UBE2E2: variants seen among roughly 807,000 people sequenced by gnomAD.
UBE2E2 encodes the protein ubiquitin conjugating enzyme E2 E2, also known as ubiquitin-conjugating enzyme E2 E2.
UBE2E2 carries 6 observed loss-of-function variants against 24.7 expected under a neutral mutation model. That is an observed-to-expected ratio of 0.24 (90% CI 0.13 to 0.48). UBE2E2 has a LOEUF of 0.48. UBE2E2 is among the 20% of genes least tolerant of loss of function. The pLI is 0.99. For missense variants in UBE2E2, 169 were observed against 245.0 expected (o/e 0.69, Z 2.07); for synonymous variants, 104 against 83.6 (o/e 1.24, Z -1.33).
At position 23,553,011 on chromosome 3, in the gene UBE2E2, T is replaced by A. The variant is rs113988849; in HGVS notation, c.508+20310T>A. Among the ~76,000 whole-genome samples, 1,030 of 152,308 alleles carry A rather than the reference T, an allele frequency of 6.8e-3. 11 individuals carry two copies. The highest frequency in any genetic ancestry group is 0.023 in the African/African-American group (971 of 41,572). ...TTTCTAAGTTTTGATAAACCCTTTC[T>A]TATTGATTTTTAATCTCCTTGATTA... On this transcript the variant is annotated intron_variant, in intron 5 of 5. Coordinates refer to ENST00000396703, the MANE Select transcript of UBE2E2 (RefSeq NM_152653.4).
At chr3:23,464,227 TA>T (rs1380386773) in intron 3 of UBE2E2, among the ~76,000 whole-genome samples, 5 of 152,168 alleles carry the variant, frequency 3.3e-5, no homozygotes, top group Admixed American at 6.5e-5. Context: ...ATTGGCTGTT[TA>T]ATCTACTATT....
intron 3 of UBE2E2, among the ~76,000 whole-genome samples, chr3:23,233,383 C>G (rs866846803): frequency 1.3e-5 from 2 of 151,982 alleles, no homozygotes; most frequent in African/African-American, 4.8e-5. Flanking sequence ...CTTTGCAAAC[C>G]CCTGAGATCT....
intron 1 of UBE2E2, among the ~76,000 whole-genome samples, chr3:23,203,834 C>A (rs1198092676): frequency 6.6e-6 from 1 of 151,930 alleles, no homozygotes; most frequent in African/African-American, 2.4e-5. Context: ...ATAAATGTCA[C>A]GGTGGAAAGT....
chr3:23,444,857 C>T (rs184544934), intron 3 of UBE2E2, among the ~76,000 whole-genome samples: 106 of 152,192 alleles, frequency 7.0e-4, no homozygotes, highest in African/African-American at 2.5e-3. Flanking sequence ...GGTGGGATGC[C>T]ATGTTGATAG....
At chr3:23,279,094 C>T (rs186541440) in intron 3 of UBE2E2, among the ~76,000 whole-genome samples, 1 of 152,010 alleles carries the variant, frequency 6.6e-6, no homozygotes, top group Non-Finnish European at 1.5e-5. Context: ...TACCATGTAA[C>T]TTATTTTTTG....
chr3:23,324,010 T>C (rs1353775326), intron 3 of UBE2E2, among the ~76,000 whole-genome samples: 1 of 152,166 alleles, frequency 6.6e-6, no homozygotes, highest in Non-Finnish European at 1.5e-5. Flanking sequence ...AAATGGTACA[T>C]GCTTGATGTG....
intron 3 of UBE2E2, among the ~76,000 whole-genome samples, chr3:23,375,612 C>A (rs2125344686): frequency 6.6e-6 from 1 of 152,212 alleles, no homozygotes; most frequent in Non-Finnish European, 1.5e-5. Context: ...AGTTGGGAAA[C>A]CAAATTATAC....
At chr3:23,325,688 C>T (rs1363432172) in intron 3 of UBE2E2, among the ~76,000 whole-genome samples, 1 of 152,176 alleles carries the variant, frequency 6.6e-6, no homozygotes, top group African/African-American at 2.4e-5. Context: ...CCATGTGAGG[C>T]TTGACTGCTT....
At chr3:23,298,054 G>A (rs979729333) in intron 3 of UBE2E2, among the ~76,000 whole-genome samples, 37 of 151,822 alleles carry the variant, frequency 2.4e-4, no homozygotes, top group Non-Finnish European at 4.7e-4. Flanking sequence ...AAGCAATTGT[G>A]AATGGGAGTT....
chr3:23,556,433 G>A (rs1428181582), intron 5 of UBE2E2, among the ~76,000 whole-genome samples: 1 of 98,922 alleles, frequency 1.0e-5, no homozygotes, highest in South Asian at 3.0e-4. Flanking sequence ...GAGCCACCAT[G>A]CCCAGCCAAT....
At chr3:23,488,201 T>C (rs1699418951) in intron 3 of UBE2E2, among the ~76,000 whole-genome samples, 1 of 57,450 alleles carries the variant, frequency 1.7e-5, no homozygotes, top group South Asian at 4.5e-4. Context: ...ATTACATTTC[T>C]TTTTTTTTTT....
chr3:23,418,946 A>G (rs966922293), intron 3 of UBE2E2, among the ~76,000 whole-genome samples: 2 of 142,356 alleles, frequency 1.4e-5, no homozygotes, highest in African/African-American at 5.4e-5. Flanking sequence ...TTTTTCTTTC[A>G]CAAATGTTAC....
chr3:23,492,348 A>G (rs1001913611), intron 3 of UBE2E2, among the ~76,000 whole-genome samples: 3 of 151,988 alleles, frequency 2.0e-5, no homozygotes, highest in African/African-American at 7.3e-5. Flanking sequence ...CTTTTGAAAA[A>G]TCCCCTCATC....
chr3:23,406,423 C>T (rs1037816269), intron 3 of UBE2E2, among the ~76,000 whole-genome samples: 2 of 152,088 alleles, frequency 1.3e-5, no homozygotes, highest in East Asian at 3.9e-4. Context: ...TCTGTAAAAT[C>T]GCAAGACTAA....
At chr3:23,297,906 T>G (rs1422532202) in intron 3 of UBE2E2, among the ~76,000 whole-genome samples, 1 of 152,144 alleles carries the variant, frequency 6.6e-6, no homozygotes, top group Non-Finnish European at 1.5e-5. Context: ...ATATTGATTC[T>G]TCCTACCCAT....
At chr3:23,428,446 AAGAT>A (rs1413460437) in intron 3 of UBE2E2, among the ~76,000 whole-genome samples, 1 of 152,234 alleles carries the variant, frequency 6.6e-6, no homozygotes, top group African/African-American at 2.4e-5. Context: ...CAGAAGAAGA[AAGAT>A]CTAAAATCAG....
Position 23,267,348 on chromosome 3 carries a change from C to T in UBE2E2, c.227+50036C>T, listed in dbSNP as rs971530510. On this transcript the variant is annotated intron_variant, in intron 3 of 5. Transcript: ENST00000396703. ...AGAAAAGAGAGAAGAATCAAGTAGA[C>T]GCAATAAAAAATGATAAAGGGGATG... Among the ~76,000 whole-genome samples the T allele has an allele frequency of 7.2e-5, 11 of 152,060 alleles. No individual in the cohort carries two copies. The South Asian group carries it at 8.3e-4, about 11-fold the overall frequency.
At chr3:23,374,716 G>C (rs1357562321) in intron 3 of UBE2E2, among the ~76,000 whole-genome samples, 2 of 152,198 alleles carry the variant, frequency 1.3e-5, no homozygotes, top group African/African-American at 2.4e-5. Context: ...AATCTGCTGA[G>C]ACTTTCAAGA....
intron 3 of UBE2E2, among the ~76,000 whole-genome samples, chr3:23,232,943 A>C (rs994846528): frequency 6.6e-6 from 1 of 152,224 alleles, no homozygotes; most frequent in Non-Finnish European, 1.5e-5. Flanking sequence ...CTGAAGGGAA[A>C]TCTTTGCCTG....
Sources: gnomAD v4.1 joint callset for allele counts (sites outside exome capture counted in the v4.1 genomes callset) on GRCh38, gnomAD v4.1.1 for gene constraint, MANE v1.5 for transcripts, NCBI Gene and HGNC (gene_info 2026-07-23, HGNC 2026-07-21) for gene names.